GABRB1: variants seen among roughly 807,000 people sequenced by gnomAD.
GABRB1 encodes gamma-aminobutyric acid type A receptor subunit beta1, also known as gamma-aminobutyric acid receptor subunit beta-1.
A neutral mutation model predicts 51.6 loss-of-function variants in GABRB1; 17 were observed. The observed-to-expected ratio is 0.33, with a 90% CI of 0.23 to 0.49. The LOEUF is 0.49. Ranked by LOEUF, GABRB1 falls within the 20% of genes least tolerant of loss-of-function variation. The probability of loss-of-function intolerance (pLI) is 0.99; values close to 1 mark genes in which losing one functional copy is unlikely to be tolerated. For synonymous variants in GABRB1, 247 were observed against 218.9 expected (o/e 1.13, Z -1.14); for missense variants, 410 against 600.6 (o/e 0.68, Z 3.32).
At chr4:47,398,084 T>C (rs1358384748) in intron 5 of GABRB1, among the ~76,000 whole-genome samples, 1 of 152,200 alleles carries the variant, frequency 6.6e-6, no homozygotes, top group Non-Finnish European at 1.5e-5. Context: ...ATTTTAAATG[T>C]TGCTTCATAT....
intron 3 of GABRB1, among the ~76,000 whole-genome samples, chr4:47,075,955 TC>T (rs1212400137): frequency 6.6e-6 from 1 of 152,158 alleles, no homozygotes; most frequent in Non-Finnish European, 1.5e-5. Context: ...TAGATGAGAA[TC>T]CACCAGCTGG....
intron 4 of GABRB1, among the ~76,000 whole-genome samples, chr4:47,256,466 G>A (rs1016229691): frequency 2.0e-5 from 3 of 152,122 alleles, no homozygotes; most frequent in Non-Finnish European, 4.4e-5. Context: ...TTTGTACAAG[G>A]AACTGCACTA....
At chr4:47,411,795 T>C (rs1166330382) in intron 8 of GABRB1, among the ~76,000 whole-genome samples, 1 of 152,112 alleles carries the variant, frequency 6.6e-6, no homozygotes, top group Non-Finnish European at 1.5e-5. Flanking sequence ...AAATAAAAAG[T>C]TTAAGAGAAA....
chr4:47,093,018 AT>A (rs1714165149), intron 3 of GABRB1, among the ~76,000 whole-genome samples: 1 of 152,230 alleles, frequency 6.6e-6, no homozygotes, highest in African/African-American at 2.4e-5. Flanking sequence ...CATACTTATC[AT>A]TGTCATATAA....
At chr4:47,227,875 C>T (rs1721003664) in intron 4 of GABRB1, among the ~76,000 whole-genome samples, 1 of 152,086 alleles carries the variant, frequency 6.6e-6, no homozygotes, top group African/African-American at 2.4e-5. Context: ...CGTAGTCATC[C>T]TTCTGTTCAC....
chr4:47,418,082 A>G (rs755076961), intron 8 of GABRB1, among the ~76,000 whole-genome samples: 3 of 152,242 alleles, frequency 2.0e-5, no homozygotes, highest in Non-Finnish European at 4.4e-5. Context: ...TGTTAAGGAA[A>G]GAAACAGTAC....
chr4:47,032,265 C>G (rs1316828519), intron 2 of GABRB1, 152 bp from the exon 3 acceptor site: 2 of 795,134 alleles, frequency 2.5e-6, no homozygotes, highest in East Asian at 2.4e-5. Flanking sequence ...GTGCCCACAC[C>G]TGTTTTCCCA....
At chr4:47,151,164 G>C (rs1489422025) in intron 3 of GABRB1, among the ~76,000 whole-genome samples, 1 of 151,930 alleles carries the variant, frequency 6.6e-6, no homozygotes, top group African/African-American at 2.4e-5. Flanking sequence ...GCCCAATAGA[G>C]TCCTTACTGG....
intron 4 of GABRB1, among the ~76,000 whole-genome samples, chr4:47,306,667 C>T (rs1724484011): frequency 6.6e-6 from 1 of 151,990 alleles, no homozygotes; most frequent in Non-Finnish European, 1.5e-5. Flanking sequence ...TATGTGATTC[C>T]CTAAGACATA....
chr4:47,039,418 T>A (rs540246086), intron 3 of GABRB1, among the ~76,000 whole-genome samples: 1 of 150,210 alleles, frequency 6.7e-6, no homozygotes, highest in Admixed American at 6.7e-5. Context: ...GAGCTTATAG[T>A]CTTTTTCAAA....
chr4:47,124,905 G>A (rs1716045063), intron 3 of GABRB1, among the ~76,000 whole-genome samples: 1 of 151,886 alleles, frequency 6.6e-6, no homozygotes, highest in South Asian at 2.1e-4. Context: ...GATTTCTAGA[G>A]GAAAATAAAG....
intron 1 of GABRB1, among the ~76,000 whole-genome samples, chr4:47,014,939 C>G (rs1435313080): frequency 6.6e-6 from 1 of 152,030 alleles, no homozygotes; most frequent in Non-Finnish European, 1.5e-5. Flanking sequence ...CGGAGTCTCG[C>G]CCTGCCTTGC....
intron 5 of GABRB1, among the ~76,000 whole-genome samples, chr4:47,323,474 T>TG (rs200820268): frequency 0.098 from 14,910 of 152,074 alleles, 986 homozygotes; most frequent in Non-Finnish European, 0.14. Flanking sequence ...TTCATGTATT[T>TG]TTTTAACTTT....
chr4:47,194,652 G>T (rs1719574668), intron 4 of GABRB1, among the ~76,000 whole-genome samples: 1 of 152,190 alleles, frequency 6.6e-6, no homozygotes, highest in African/African-American at 2.4e-5. Context: ...CCAAAGAGAT[G>T]CATATTCTTA....
chr4:47,201,990 G>A (rs746732925), intron 4 of GABRB1, among the ~76,000 whole-genome samples: 4 of 152,088 alleles, frequency 2.6e-5, no homozygotes, highest in Non-Finnish European at 5.9e-5. Context: ...CCTTCCACAC[G>A]AAATGCTCTG....
At chr4:47,085,492 A>G (rs1054474698) in intron 3 of GABRB1, among the ~76,000 whole-genome samples, 14 of 152,246 alleles carry the variant, frequency 9.2e-5, no homozygotes, top group African/African-American at 2.9e-4. Flanking sequence ...ATGACAATAG[A>G]AATACTTTCC....
rs894366963 is a variant in GABRB1 at position 47,031,995 on chromosome 4, G to A, written c.162G>A (p.Pro54=). Residue 54 remains proline, a synonymous_variant, in exon 2 of 9, where the codon CCG becomes CCA. Coordinates refer to ENST00000295454, the MANE Select transcript of GABRB1 (RefSeq NM_000812.4). ...AAGGATATGACATTCGCTTGCGGCC[G>A]GACTTCGGAGGTAACGCTTCATCTT... ...LLKGYDIRLR[P]DFGGPPVDVG... The A allele has an allele frequency of 1.2e-5, 19 of 1,612,390 alleles. No homozygotes were observed. Among genetic ancestry groups the A allele is most frequent in the Middle Eastern group, 1.6e-4 (1 of 6,082 alleles).
At chr4:47,183,574 A>G (rs1719048218) in intron 4 of GABRB1, among the ~76,000 whole-genome samples, 1 of 151,408 alleles carries the variant, frequency 6.6e-6, no homozygotes, top group Admixed American at 6.6e-5. Flanking sequence ...TGGAGTTCCC[A>G]CCTTTCCACA....
chr4:47,127,594 A>G (rs1447034798), intron 3 of GABRB1, among the ~76,000 whole-genome samples: 2 of 151,448 alleles, frequency 1.3e-5, no homozygotes, highest in African/African-American at 2.4e-5. Context: ...TCTCTCTCCT[A>G]GTGTCTTTAA....
Sources: gnomAD v4.1 joint callset for allele counts (sites outside exome capture counted in the v4.1 genomes callset) on GRCh38, gnomAD v4.1.1 for gene constraint, MANE v1.5 for transcripts, NCBI Gene and HGNC (gene_info 2026-07-23, HGNC 2026-07-21) for gene names.